CCDC90B: variants seen among roughly 807,000 people sequenced by gnomAD.
CCDC90B encodes coiled-coil domain-containing protein 90B, mitochondrial.
In CCDC90B, 24 loss-of-function variants were observed where a neutral mutation model predicts 37.0. The observed-to-expected ratio is 0.65, with a 90% confidence interval of 0.47 to 0.91. The LOEUF is 0.91. Ranked by LOEUF, CCDC90B falls within the 40% of genes least tolerant of loss-of-function variation. The pLI is 0.00. For missense variants in CCDC90B, 319 were observed against 299.0 expected (o/e 1.07, Z -0.49); for synonymous variants, 113 against 101.1 (o/e 1.12, Z -0.71).
rs1178034108 is a variant in CCDC90B, at chr11:83,260,891, T to C, written c.*1020A>G. ...CTTGAGAGTAGGTACTAGATATCAATGTTTGCTGAATTGAAGTCATTAAGA... is the reference window on the plus strand; with the variant it reads ...CTTGAGAGTAGGTACTAGATATCAACGTTTGCTGAATTGAAGTCATTAAGA... On this transcript the variant is annotated 3_prime_UTR_variant, in exon 9 of 9. Transcript: ENST00000529689. 4 of 152,320 alleles carry C rather than the reference T, an allele frequency of 2.6e-5. No individual in the cohort carries two copies. The East Asian group carries it at 5.8e-4, about 22-fold the overall frequency. 9.4% of individuals were successfully genotyped at this position (152,320 alleles called of 1,614,324 possible). A position where few individuals can be genotyped will look rare whatever the true frequency, so the allele number is the denominator to read the frequency against.
At chr11:83,271,556 C>A (rs1864667970) in intron 7 of CCDC90B, among the ~76,000 whole-genome samples, 1 of 152,136 alleles carries the variant, frequency 6.6e-6, no homozygotes, top group African/African-American at 2.4e-5. Flanking sequence ...AAACCAAAAC[C>A]ACAATGAGAT....
Position 83,260,804 on chromosome 11 carries a change from TTG to T in CCDC90B, c.*1105_*1106del, listed in dbSNP as rs1355414470. 1 of 152,168 alleles carries T rather than the reference TTG, an allele frequency of 6.6e-6. No individual in the cohort carries two copies. Among genetic ancestry groups the T allele is most frequent in the African/African-American group, 2.4e-5 (1 of 41,444 alleles). The allele number at this position is 152,168 out of a possible 1,614,324, so 9.4% of individuals were successfully genotyped here. On this transcript the variant is annotated 3_prime_UTR_variant, in exon 9 of 9. Transcript: ENST00000529689. ...ATATGATTTACTAATAGATATTACT[TTG>T]TAAGAAAAAATATATCTAATAACAA...
intron 2 of CCDC90B, 151 bp from the exon 3 acceptor site, chr11:83,278,980 C>T: frequency 1.7e-6 from 1 of 580,504 alleles, no homozygotes; most frequent in East Asian, 2.9e-5. Flanking sequence ...AAATTACTCT[C>T]TAAAAGAACT....
rs1334491315 is a variant in CCDC90B at position 83,273,820 on chromosome 11, G to T, written c.513C>A (p.Asn171Lys). The T allele has an allele frequency of 3.1e-6, 5 of 1,610,148 alleles. No homozygotes were observed. The highest frequency in any genetic ancestry group is 4.2e-6 in the Non-Finnish European group (5 of 1,177,884). The change falls in exon 6 of 9, where the codon AAC becomes AAA. Residue 171 changes from asparagine to lysine, a missense_variant. Physicochemically the swap from Asn to Lys is moderately conservative, Grantham distance 94 (BLOSUM62 0). Transcript: ENST00000529689. Reference sequence around the variant, plus strand: ...TATCTGTTACTCTGCTCCTTTCTAAGTTGATATCCAGTTTATTATCTGCTC... The same window carrying T: ...TATCTGTTACTCTGCTCCTTTCTAATTTGATATCCAGTTTATTATCTGCTC... ...RIRADNKLDI[N>K]LERSRVTDMF... is the part of the protein sequence containing the mutation.
At chr11:83,283,897 G>A (rs1459173742) in intron 1 of CCDC90B, among the ~76,000 whole-genome samples, 1 of 152,196 alleles carries the variant, frequency 6.6e-6, no homozygotes, top group Non-Finnish European at 1.5e-5. Context: ...GGGAGGCACA[G>A]GCTGCAGGGA....
intron 3 of CCDC90B, 64 bp downstream of exon 3, chr11:83,278,662 G>C: frequency 1.8e-6 from 2 of 1,087,268 alleles, no homozygotes; most frequent in Admixed American, 1.8e-5. Flanking sequence ...TAGGTAGACA[G>C]AGACATAGTT....
intron 1 of CCDC90B, among the ~76,000 whole-genome samples, chr11:83,283,411 G>A (rs1230538251): frequency 1.3e-5 from 2 of 152,206 alleles, no homozygotes; most frequent in Non-Finnish European, 2.9e-5. Flanking sequence ...TTATTATGGG[G>A]TTAAGGAGAG....
At chr11:83,282,229 C>T (rs1865427043) in intron 1 of CCDC90B, among the ~76,000 whole-genome samples, 1 of 152,214 alleles carries the variant, frequency 6.6e-6, no homozygotes, top group Non-Finnish European at 1.5e-5. Flanking sequence ...CTGGGAGCTG[C>T]GGCTTGCTGC....
intron 8 of CCDC90B, among the ~76,000 whole-genome samples, chr11:83,262,834 G>C (rs909111114): frequency 9.2e-5 from 14 of 152,164 alleles, no homozygotes; most frequent in African/African-American, 3.4e-4. Context: ...AAGAAATATA[G>C]AGAAGTAATA....
chr11:83,272,131 G>A (rs1443283964), intron 7 of CCDC90B, among the ~76,000 whole-genome samples: 1 of 152,136 alleles, frequency 6.6e-6, no homozygotes, highest in Non-Finnish European at 1.5e-5. Flanking sequence ...GTGAGGGAGA[G>A]CATTAGGACC....
At chr11:83,277,641 C>T (rs1318013229) in intron 3 of CCDC90B, among the ~76,000 whole-genome samples, 1 of 151,922 alleles carries the variant, frequency 6.6e-6, no homozygotes, top group Non-Finnish European at 1.5e-5. Flanking sequence ...CACCACCATG[C>T]CCGGCTAATT....
chr11:83,268,446 G>A (rs1171124676), intron 7 of CCDC90B, among the ~76,000 whole-genome samples: 1 of 149,778 alleles, frequency 6.7e-6, no homozygotes. Context: ...AAAAAAAGCA[G>A]GGGTTGCAAT....
intron 8 of CCDC90B, 101 bp from the exon 9 acceptor site, chr11:83,262,067 A>T: frequency 2.7e-6 from 2 of 735,546 alleles, no homozygotes; most frequent in Non-Finnish European, 4.4e-6. Flanking sequence ...AAAAACAGGA[A>T]ATCCAACCAA....
chr11:83,279,280 CA>C (rs1555009252), intron 2 of CCDC90B, among the ~76,000 whole-genome samples: 5 of 143,658 alleles, frequency 3.5e-5, no homozygotes, highest in African/African-American at 7.7e-5. Flanking sequence ...GACTCTGTCT[CA>C]AAAAAAACAA....
intron 7 of CCDC90B, among the ~76,000 whole-genome samples, chr11:83,270,450 A>G (rs1864585342): frequency 6.6e-6 from 1 of 152,242 alleles, no homozygotes; most frequent in Non-Finnish European, 1.5e-5. Flanking sequence ...AACTTCAGAA[A>G]GTCTCAGGAT....
rs147870184 is a variant in CCDC90B at position 83,272,481 on chromosome 11, T to C, written c.594+1166A>G. Among the ~76,000 whole-genome samples, 418 of 151,862 alleles carry C rather than the reference T, an allele frequency of 2.8e-3. 3 individuals are homozygous for C. The highest frequency in any genetic ancestry group is 9.5e-3 in the African/African-American group (392 of 41,460). ...AGGATATTATGGTTAAAACTTTAAA[T>C]ATATTCTGCAAATGGAAAAAAAAAT... On this transcript the variant is annotated intron_variant, in intron 7 of 8. Coordinates refer to ENST00000529689, the MANE Select transcript of CCDC90B (RefSeq NM_021825.5).
rs748976429 is a variant in CCDC90B, at chr11:83,273,660, T to A, written c.581A>T (p.Glu194Val). 11 of 1,600,330 alleles carry A rather than the reference T, an allele frequency of 6.9e-6. No individual in the cohort carries two copies. In the East Asian group the frequency reaches 1.1e-4, roughly 16 times the overall value. ...QEKQLMETTT[E>V]FTKKDTQTKS... ...ATATTACTTTACCTTTTTTGTAAAT[T>A]CTGTAGTTGTTTCCATAAGTTGCTT... Residue 194 changes from glutamate (E) to valine (V), a missense_variant, in exon 7 of 9, where the codon GAA becomes GTA. Glu to Val is a moderately radical substitution (Grantham distance 121). Transcript: ENST00000529689.
intron 8 of CCDC90B, among the ~76,000 whole-genome samples, chr11:83,264,026 T>C (rs1336568432): frequency 3.3e-5 from 5 of 152,226 alleles, no homozygotes; most frequent in African/African-American, 1.2e-4. Flanking sequence ...GCATATCTTT[T>C]TGACCCCAAA....
rs1423559795 is a variant in CCDC90B, at chr11:83,273,654, G to A, written c.587C>T (p.Thr196Ile). ...TTTTACATATTACTTTACCTTTTTTGTAAATTCTGTAGTTGTTTCCATAAG... is the reference window on the plus strand; with the variant it reads ...TTTTACATATTACTTTACCTTTTTTATAAATTCTGTAGTTGTTTCCATAAG... ...KQLMETTTEF[T>I]KKDTQTKSII... Residue 196 changes from threonine (T) to isoleucine (I), a missense_variant, in exon 7 of 9, where the codon ACA (threonine) becomes ATA (isoleucine). Thr to Ile is a moderately conservative substitution (Grantham distance 89). Coordinates refer to ENST00000529689, the MANE Select transcript of CCDC90B (RefSeq NM_021825.5). The A allele has an allele frequency of 1.3e-6, 2 of 1,591,806 alleles. No homozygotes were observed. The highest frequency in any genetic ancestry group is 1.4e-5 in the African/African-American group (1 of 73,280).
Sources: gnomAD v4.1 joint callset for allele counts (sites outside exome capture counted in the v4.1 genomes callset) on GRCh38, gnomAD v4.1.1 for gene constraint, MANE v1.5 for transcripts, NCBI Gene and HGNC (gene_info 2026-07-23, HGNC 2026-07-21) for gene names.